The following GPHN variants were observed in gnomAD, a reference collection of about 807,000 sequenced individuals.
The protein encoded by GPHN is gephyrin.
Under a neutral mutation model 95.5 loss-of-function variants are expected in GPHN, and 17 were observed. That is an observed-to-expected ratio of 0.18 (90% CI 0.12 to 0.27). The LOEUF (loss-of-function observed/expected upper bound fraction) is 0.27. Among genes scored for constraint, GPHN ranks in the 10% least tolerant of loss-of-function variants. The probability of loss-of-function intolerance (pLI) is 1.00; values close to 1 mark genes in which losing one functional copy is unlikely to be tolerated. For synonymous variants in GPHN, 320 were observed against 322.5 expected, an observed-to-expected ratio of 0.99 and a Z score of 0.08; for missense variants, 660 against 978.1, an observed-to-expected ratio of 0.67 and a Z score of 4.34.
the GPHN span, among the ~76,000 whole-genome samples, chr14:67,633,427 T>C: frequency 6.6e-6 from 1 of 152,224 alleles, no homozygotes. Context: ...CCATTGACGA[T>C]TGCCTAGAAT....
At chr14:66,820,764 A>G (rs1482752818) in intron 3 of GPHN, among the ~76,000 whole-genome samples, 1 of 152,088 alleles carries the variant, frequency 6.6e-6, no homozygotes, top group Non-Finnish European at 1.5e-5. Flanking sequence ...GTCCTTAACC[A>G]TCCAGCTTTT....
chr14:66,599,613 A>T (rs1279479587), intron 1 of GPHN, among the ~76,000 whole-genome samples: 1 of 151,646 alleles, frequency 6.6e-6, no homozygotes, highest in Non-Finnish European at 1.5e-5. Context: ...TGCCTTCCTG[A>T]TATAAAAATT....
chr14:67,241,961 G>T, the GPHN span: 1 of 152,210 alleles, frequency 6.6e-6, no homozygotes, highest in Non-Finnish European at 1.5e-5. Context: ...TGTAGTCAGC[G>T]TTCCTCTGCC....
the GPHN span, chr14:67,600,073 A>G: frequency 6.3e-7 from 1 of 1,592,922 alleles, no homozygotes; most frequent in African/African-American, 1.3e-5. Context: ...CGTGCAGGTG[A>G]CAGCGGTGAG....
At chr14:66,848,352 C>G (rs1156342833) in intron 4 of GPHN, among the ~76,000 whole-genome samples, 2 of 151,950 alleles carry the variant, frequency 1.3e-5, no homozygotes, top group Non-Finnish European at 2.9e-5. Flanking sequence ...TACTGTATCT[C>G]TTATAAGTTA....
chr14:67,086,552 A>G (rs111641365), intron 11 of GPHN, among the ~76,000 whole-genome samples: 10,050 of 147,930 alleles, frequency 0.068, 352 homozygotes, highest in Middle Eastern at 0.09. Context: ...TCGGGAGGCT[A>G]AGGCAGGAGA....
chr14:67,003,734 T>A (rs568678884), intron 9 of GPHN, among the ~76,000 whole-genome samples: 3 of 151,730 alleles, frequency 2.0e-5, no homozygotes, highest in Non-Finnish European at 4.4e-5. Context: ...ATATTATTAG[T>A]CCTAGATTAC....
chr14:67,131,657 G>A (rs2079721138), intron 17 of GPHN, among the ~76,000 whole-genome samples: 1 of 152,018 alleles, frequency 6.6e-6, no homozygotes, highest in Non-Finnish European at 1.5e-5. Flanking sequence ...AAGCATCTTG[G>A]GAGAAATTCC....
intron 9 of GPHN, among the ~76,000 whole-genome samples, chr14:66,981,148 C>G (rs535831270): frequency 6.6e-6 from 1 of 152,324 alleles, no homozygotes; most frequent in South Asian, 2.1e-4. Context: ...TCACTTCTTA[C>G]TCTTTGCAAC....
chr14:66,666,383 G>A (rs2065958236), intron 1 of GPHN, among the ~76,000 whole-genome samples: 1 of 151,140 alleles, frequency 6.6e-6, no homozygotes, highest in Non-Finnish European at 1.5e-5. Flanking sequence ...TGAACTTACT[G>A]TATTGGATTA....
At chr14:66,980,671 T>G (rs1336148555) in intron 9 of GPHN, among the ~76,000 whole-genome samples, 3 of 152,116 alleles carry the variant, frequency 2.0e-5, no homozygotes, top group Admixed American at 6.5e-5. Context: ...TATAGAACTT[T>G]AAGATCAAAA....
the GPHN span, among the ~76,000 whole-genome samples, chr14:67,556,347 G>C: frequency 6.6e-6 from 1 of 152,222 alleles, no homozygotes; most frequent in Non-Finnish European, 1.5e-5. Context: ...TGTTGCCCAG[G>C]CTGGTCTCAA....
the GPHN span, among the ~76,000 whole-genome samples, chr14:67,396,714 T>C: frequency 1.3e-5 from 2 of 152,258 alleles, no homozygotes; most frequent in Admixed American, 1.3e-4. Flanking sequence ...AAGCGTTGCC[T>C]GACCCAGCCT....
intron 1 of GPHN, among the ~76,000 whole-genome samples, chr14:66,528,177 G>C (rs2058767871): frequency 6.6e-6 from 1 of 152,236 alleles, no homozygotes; most frequent in South Asian, 2.1e-4. Flanking sequence ...ATTTAGGATA[G>C]TTAGCTCTTC....
the GPHN span, among the ~76,000 whole-genome samples, chr14:67,498,979 T>TTTTATTTATTTA: frequency 0.16 from 22,892 of 146,462 alleles, 2,024 homozygotes; most frequent in South Asian, 0.25. Context: ...AAGGCAATGG[T>TTTTATTTATTTA]TTTATTTATT....
At chr14:66,781,347 G>T (rs1226631360) in intron 3 of GPHN, among the ~76,000 whole-genome samples, 2 of 151,814 alleles carry the variant, frequency 1.3e-5, no homozygotes, top group African/African-American at 4.8e-5. Context: ...TTCCTGAGTA[G>T]CTGGGACTAC....
chr14:67,212,876 A>T, the GPHN span, among the ~76,000 whole-genome samples: 1 of 150,298 alleles, frequency 6.7e-6, no homozygotes, highest in African/African-American at 2.5e-5. Flanking sequence ...TCACAATCCC[A>T]GAGCCTCTAG....
chr14:66,826,492 C>T lies in GPHN; in HGVS notation c.294+1926C>T, dbSNP rs537543432. Among the ~76,000 whole-genome samples, 6 of 152,304 alleles carry T rather than the reference C, an allele frequency of 3.9e-5. No individual in the cohort carries two copies. In the South Asian group the frequency reaches 1.2e-3, roughly 32 times the overall value. ...TGTGTCCACAAGATTGCCTTCACGTCACATGCCAGTGGCAAGTACCAGATC... is the reference window on the plus strand; with the variant it reads ...TGTGTCCACAAGATTGCCTTCACGTTACATGCCAGTGGCAAGTACCAGATC... On this transcript the variant is annotated intron_variant, in intron 4 of 22. Coordinates refer to ENST00000478722, the MANE Select transcript of GPHN (RefSeq NM_020806.5).
At chr14:67,405,328 GA>G in the GPHN span, among the ~76,000 whole-genome samples, 1 of 150,644 alleles carries the variant, frequency 6.6e-6, no homozygotes, top group Non-Finnish European at 1.5e-5. Context: ...TTTTTATCAT[GA>G]AAAAATGAAT....
Sources: gnomAD v4.1 joint callset for allele counts (sites outside exome capture counted in the v4.1 genomes callset) on GRCh38, gnomAD v4.1.1 for gene constraint, MANE v1.5 for transcripts, NCBI Gene and HGNC (gene_info 2026-07-23, HGNC 2026-07-21) for gene names.